The following PRKN variants were observed in gnomAD, a reference collection of about 807,000 sequenced individuals.
PRKN encodes the protein parkin RBR E3 ubiquitin protein ligase.
A neutral mutation model predicts 59.5 loss-of-function variants in PRKN; 56 were observed. The ratio of observed to expected loss-of-function variants is 0.94; its 90% CI spans 0.76 to 1.18. The LOEUF is 1.18. PRKN is among the 50% of genes most tolerant of loss of function. The pLI is 0.00. For missense variants in PRKN, 657 were observed against 596.4 expected (o/e 1.10, Z -1.06); for synonymous variants, 250 against 222.1 (o/e 1.13, Z -1.12).
At chr6:162,418,746 G>T (rs146607284) in intron 2 of PRKN, among the ~76,000 whole-genome samples, 1 of 151,632 alleles carries the variant, frequency 6.6e-6, no homozygotes, top group African/African-American at 2.4e-5. Context: ...CACGGTTCCT[G>T]CACACTCATG....
intron 4 of PRKN, among the ~76,000 whole-genome samples, chr6:162,140,260 C>G (rs1781720858): frequency 6.6e-6 from 1 of 152,158 alleles, no homozygotes; most frequent in Admixed American, 6.5e-5. Context: ...AATTGCCCTT[C>G]TAGCCTTTTG....
chr6:162,141,165 A>G (rs971768966), intron 4 of PRKN, among the ~76,000 whole-genome samples: 2 of 151,844 alleles, frequency 1.3e-5, no homozygotes, highest in African/African-American at 4.8e-5. Context: ...AATAAAAATA[A>G]AAAAGATTAT....
chr6:161,657,791 C>T (rs1023658269), intron 7 of PRKN, among the ~76,000 whole-genome samples: 1 of 151,850 alleles, frequency 6.6e-6, no homozygotes, highest in Non-Finnish European at 1.5e-5. Flanking sequence ...TTTGGGAGGC[C>T]GTGGTGGGTG....
chr6:161,623,026 A>T (rs186895189), intron 7 of PRKN, among the ~76,000 whole-genome samples: 50 of 152,262 alleles, frequency 3.3e-4, no homozygotes, highest in Non-Finnish European at 4.1e-4. Flanking sequence ...TGTCTATTTC[A>T]TGTGCTATAG....
chr6:162,080,783 C>T (rs997254983), intron 4 of PRKN, among the ~76,000 whole-genome samples: 1 of 152,024 alleles, frequency 6.6e-6, no homozygotes, highest in Non-Finnish European at 1.5e-5. Flanking sequence ...ATGGACTCTT[C>T]ATTTCATAAA....
intron 4 of PRKN, among the ~76,000 whole-genome samples, chr6:162,073,480 T>A (rs1778671806): frequency 6.6e-6 from 1 of 152,198 alleles, no homozygotes; most frequent in Non-Finnish European, 1.5e-5. Context: ...TGAGACAGGG[T>A]CTCGCTCTGT....
At chr6:161,829,849 CAAAAAAA>C (rs11457054) in intron 6 of PRKN, among the ~76,000 whole-genome samples, 15,900 of 86,460 alleles carry the variant, frequency 0.18, 1,271 homozygotes, top group African/African-American at 0.29. Flanking sequence ...CACTAAATGC[CAAAAAAA>C]AAAAAAAAAA....
intron 6 of PRKN, among the ~76,000 whole-genome samples, chr6:161,816,537 T>C (rs112615427): frequency 2.0e-5 from 3 of 152,224 alleles, no homozygotes; most frequent in African/African-American, 7.2e-5. Flanking sequence ...AAAAATTTCA[T>C]GCACAGAAAA....
At chr6:161,706,855 G>C (rs1181741022) in intron 7 of PRKN, among the ~76,000 whole-genome samples, 1 of 152,208 alleles carries the variant, frequency 6.6e-6, no homozygotes, top group South Asian at 2.1e-4. Flanking sequence ...ACCACACCCG[G>C]ACTGACTCAT....
intron 7 of PRKN, among the ~76,000 whole-genome samples, chr6:161,577,922 C>T (rs1215791543): frequency 1.3e-5 from 2 of 152,138 alleles, no homozygotes; most frequent in South Asian, 2.1e-4. Flanking sequence ...CCTTATTGGC[C>T]GGAGGTGAAT....
At chr6:161,803,963 G>T (rs904310713) in intron 6 of PRKN, among the ~76,000 whole-genome samples, 1 of 152,202 alleles carries the variant, frequency 6.6e-6, no homozygotes, top group Non-Finnish European at 1.5e-5. Flanking sequence ...CGGTGTTGCC[G>T]ATGTGTAGAG....
At chr6:162,672,143 TG>T (rs1779347307) in intron 1 of PRKN, among the ~76,000 whole-genome samples, 1 of 152,326 alleles carries the variant, frequency 6.6e-6, no homozygotes, top group African/African-American at 2.4e-5. Flanking sequence ...TCACTCCTAT[TG>T]TTTTTTGGCT....
intron 1 of PRKN, among the ~76,000 whole-genome samples, chr6:162,510,686 G>C (rs1334187817): frequency 6.6e-6 from 1 of 152,134 alleles, no homozygotes; most frequent in Admixed American, 6.5e-5. Flanking sequence ...ACTTTGGGAG[G>C]CCGGGCGAGC....
intron 1 of PRKN, among the ~76,000 whole-genome samples, chr6:162,637,282 C>T (rs1208467591): frequency 2.1e-5 from 3 of 141,450 alleles, no homozygotes; most frequent in African/African-American, 5.1e-5. Context: ...CGCCCCCCCC[C>T]CCAAAAAAAA....
chr6:161,685,015 T>C (rs182620206), intron 7 of PRKN, among the ~76,000 whole-genome samples: 127 of 152,360 alleles, frequency 8.3e-4, no homozygotes, highest in African/African-American at 2.5e-3. Context: ...CATGATATCA[T>C]TGACTATTGG....
At chr6:162,455,445 A>C in intron 1 of PRKN, among the ~76,000 whole-genome samples, 1 of 152,248 alleles carries the variant, frequency 6.6e-6, no homozygotes, top group Non-Finnish European at 1.5e-5. Flanking sequence ...GCCCCAAGGC[A>C]ACGTGTACAG....
At chr6:161,742,263 C>T (rs1788221007) in intron 7 of PRKN, among the ~76,000 whole-genome samples, 2 of 152,192 alleles carry the variant, frequency 1.3e-5, no homozygotes, top group African/African-American at 2.4e-5. Context: ...AGCCACTGCG[C>T]CCAGCCCTGA....
intron 7 of PRKN, among the ~76,000 whole-genome samples, chr6:161,784,568 A>T (rs1382857238): frequency 2.0e-5 from 3 of 152,226 alleles, no homozygotes; most frequent in African/African-American, 7.2e-5. Flanking sequence ...AATCAAATCC[A>T]CAATAAGACA....
At chr6:162,655,528 G>A (rs536512256) in intron 1 of PRKN, among the ~76,000 whole-genome samples, 1 of 152,186 alleles carries the variant, frequency 6.6e-6, no homozygotes, top group South Asian at 2.1e-4. Context: ...TCTTATGAGT[G>A]TTCATATATA....
Sources: gnomAD v4.1 joint callset for allele counts (sites outside exome capture counted in the v4.1 genomes callset) on GRCh38, gnomAD v4.1.1 for gene constraint, MANE v1.5 for transcripts, NCBI Gene and HGNC (gene_info 2026-07-23, HGNC 2026-07-21) for gene names.